RSPO1: variants seen among roughly 807,000 people sequenced by gnomAD.
RSPO1 encodes R-spondin-1.
Under a neutral mutation model 26.0 loss-of-function variants are expected in RSPO1, and 18 were observed. That is an observed-to-expected ratio of 0.69 (90% CI 0.48 to 1.03). RSPO1 has a LOEUF of 1.03. RSPO1 is among the 50% of genes least tolerant of loss of function. RSPO1 has a pLI of 0.00. For synonymous variants in RSPO1, 133 were observed against 137.4 expected, an observed-to-expected ratio of 0.97 and a Z score of 0.22; for missense variants, 309 against 352.3, an observed-to-expected ratio of 0.88 and a Z score of 0.98.
chr1:37,618,893 C>T (rs1184926168), intron 3 of RSPO1, among the ~76,000 whole-genome samples: 1 of 152,104 alleles, frequency 6.6e-6, no homozygotes, highest in Non-Finnish European at 1.5e-5. Context: ...TTGTATCATG[C>T]TAAGGAACTT....
intron 3 of RSPO1, among the ~76,000 whole-genome samples, chr1:37,629,064 C>A (rs1570124031): frequency 6.6e-6 from 1 of 152,340 alleles, no homozygotes; most frequent in East Asian, 1.9e-4. Context: ...GGACAGTCTC[C>A]TGACCCTCCC....
intron 3 of RSPO1, among the ~76,000 whole-genome samples, chr1:37,621,595 C>CAGG (rs1275292524): frequency 3.3e-5 from 5 of 151,708 alleles, no homozygotes; most frequent in African/African-American, 4.8e-5. Context: ...AGAGGGACCA[C>CAGG]AGGAGGAGGA....
In RSPO1 at chr1:37,613,810, C is replaced by G; in HGVS notation, c.519G>C (p.Glu173Asp). The change falls in exon 6 of 7, where the codon GAG becomes GAC. Residue 173 changes from glutamate (E) to aspartate (D), a missense_variant. Physicochemically the swap from Glu to Asp is conservative, Grantham distance 45. Transcript: ENST00000356545. This position sits in a 1 kb window ranked among gnomAD's most constrained non-coding sequence, Gnocchi z 4.5. ...QQLCGFRRGS[E>D]ERTRRVLHAP... ...CATGTAGCACCCTGCGTGTCCGCTCCTCGGAGCCCCTCCGGAAACCACAGA... is the reference window on the plus strand; with the variant it reads ...CATGTAGCACCCTGCGTGTCCGCTCGTCGGAGCCCCTCCGGAAACCACAGA... The G allele has an allele frequency of 6.2e-7, 1 of 1,614,094 alleles. No homozygotes were observed. The highest frequency in any genetic ancestry group is 8.5e-7 in the Non-Finnish European group (1 of 1,180,022).
In RSPO1 at chr1:37,616,517, C is replaced by T. The variant is rs751715004; in HGVS notation, c.253G>A (p.Asp85Asn). 15 of 1,614,152 alleles carry T rather than the reference C, an allele frequency of 9.3e-6. No individual in the cohort carries two copies. The highest frequency in any genetic ancestry group is 1.7e-5 in the Admixed American group (1 of 60,028). ...CLPSCPPGYF[D>N]ARNPDMNKCI... ...TTGTTCATGTCGGGGTTGCGGGCGT[C>T]GAAGTATCCAGGTGGGCAGGACGGC... The change falls in exon 4 of 7, where the codon GAC (aspartate) becomes AAC (asparagine). Residue 85 changes from aspartate to asparagine, a missense_variant. By Grantham distance (23) the Asp-to-Asn change is conservative. Transcript: ENST00000356545.
At chr1:37,619,749 C>CT (rs532159602) in intron 3 of RSPO1, among the ~76,000 whole-genome samples, 160 of 145,044 alleles carry the variant, frequency 1.1e-3, no homozygotes, top group Non-Finnish European at 1.1e-3. Context: ...ATATATTATC[C>CT]TTTTTTTTTT....
intron 3 of RSPO1, among the ~76,000 whole-genome samples, chr1:37,623,402 G>C (rs368516758): frequency 1.1e-4 from 16 of 152,262 alleles, no homozygotes; most frequent in Admixed American, 8.5e-4. Flanking sequence ...GCTACTAGGA[G>C]CTGGAACGTG....
chr1:37,626,075 C>A (rs985147175), intron 3 of RSPO1, among the ~76,000 whole-genome samples: 1 of 152,146 alleles, frequency 6.6e-6, no homozygotes, highest in Non-Finnish European at 1.5e-5. Flanking sequence ...CCTCCCCCAC[C>A]CTCTATGCAG....
At chr1:37,627,730 C>A (rs1644300163) in intron 3 of RSPO1, among the ~76,000 whole-genome samples, 1 of 152,180 alleles carries the variant, frequency 6.6e-6, no homozygotes, top group South Asian at 2.1e-4. Context: ...GTAAGCCTTA[C>A]TATCCTCCTA....
rs754448020 is a variant in RSPO1, at chr1:37,629,552, A to G, written c.94+16T>C. 6.2e-6 allele frequency: 10 copies of G among 1,612,520 alleles called. No homozygotes were observed. The highest frequency in any genetic ancestry group is 5.5e-5 in the South Asian group (5 of 91,038). ...TTCCCAAGGCCAGCTGTGGCCCACC[A>G]TGCTCCATTACTCACTCCGCCTCTG... On this transcript the variant is annotated intron_variant, in intron 3 of 6. Transcript: ENST00000356545.
chr1:37,629,129 C>A (rs1013851898), intron 3 of RSPO1, among the ~76,000 whole-genome samples: 50 of 152,206 alleles, frequency 3.3e-4, no homozygotes, highest in African/African-American at 1.2e-3. Context: ...TTACCCAGTG[C>A]TAAGTTGTGC....
At chr1:37,630,028 G>A (rs973601904) in intron 2 of RSPO1, 79 bp from the exon 3 acceptor site, 1 of 688,788 alleles carries the variant, frequency 1.5e-6, no homozygotes, top group African/African-American at 1.8e-5. Flanking sequence ...CTACCCAGAA[G>A]ACTGGGAGCT....
intron 2 of RSPO1, chr1:37,632,056 C>A (rs1231249101): frequency 6.6e-6 from 1 of 152,190 alleles, no homozygotes; most frequent in Non-Finnish European, 1.5e-5. Flanking sequence ...AACCCTGGAT[C>A]TGAAAGACTT....
At position 37,612,694 on chromosome 1, in the gene RSPO1, T is replaced by C; in HGVS notation, c.*61A>G. On this transcript the variant is annotated 3_prime_UTR_variant, in exon 7 of 7. Coordinates refer to ENST00000356545, the MANE Select transcript of RSPO1 (RefSeq NM_001242908.2). ...CCCCGACGTTCCAGTTCAGGAAAGC[T>C]TGAATCACGCAGAGTAGCACTGAAC... is the stretch of plus-strand genomic sequence containing the variant. The C allele has an allele frequency of 1.3e-6, 2 of 1,574,952 alleles. No homozygotes were observed. The highest frequency in any genetic ancestry group is 8.6e-7 in the Non-Finnish European group (1 of 1,156,092).
rs560534932 is a variant in RSPO1 at position 37,611,393 on chromosome 1, C to G, written c.*1362G>C. 1 of 152,194 alleles carries G rather than the reference C, an allele frequency of 6.6e-6. No individual in the cohort carries two copies. The highest frequency in any genetic ancestry group is 1.5e-5 in the Non-Finnish European group (1 of 68,036). The allele number at this position is 152,194 out of a possible 1,614,324, so 9.4% of individuals were successfully genotyped here. ...ATTTTTATTCTGCTTTATTCACTTT[C>G]ATAGCTAAGCATAGATGCCAGTGGT... On this transcript the variant is annotated 3_prime_UTR_variant, in exon 7 of 7. Coordinates refer to ENST00000356545, the MANE Select transcript of RSPO1 (RefSeq NM_001242908.2).
rs1644076081 is a variant in RSPO1 at position 37,614,297 on chromosome 1, T to A, written c.323A>T (p.His108Leu). Residue 108 changes from histidine to leucine, a missense_variant, in exon 5 of 7, where the codon CAT (histidine) becomes CTT (leucine). Coordinates refer to ENST00000356545, the MANE Select transcript of RSPO1 (RefSeq NM_001242908.2). ...KIEHCEACFS[H>L]NFCTKCKEGL... ...CTCCTTACACTTGGTGCAGAAGTTA[T>A]GGCTGAAGCAGGCCTCACAGTGCTC... is the stretch of plus-strand genomic sequence containing the variant. The A allele has an allele frequency of 6.2e-7, 1 of 1,613,760 alleles. No homozygotes were observed. Among genetic ancestry groups the A allele is most frequent in the Non-Finnish European group, 8.5e-7 (1 of 1,180,040 alleles).
At position 37,613,853 on chromosome 1, in the gene RSPO1, C is replaced by T; in HGVS notation, c.476G>A (p.Cys159Tyr). The change falls in exon 6 of 7, where the codon TGC becomes TAC. Residue 159 changes from cysteine to tyrosine, a missense_variant. By Grantham distance (194) the Cys-to-Tyr change is radical. Coordinates refer to ENST00000356545, the MANE Select transcript of RSPO1 (RefSeq NM_001242908.2). The surrounding 1 kb of genome is among the most constrained non-coding windows in gnomAD (Gnocchi z 4.5). Reference protein sequence around the residue: ...EMSEWSPWGPCSKKQQLCGFR... With the variant: ...EMSEWSPWGPYSKKQQLCGFR... ...ACCACAGAGCTGCTGCTTCTTGGAG[C>T]AGGGCCCCCACGGAGACCACTCGCT... 6.2e-7 allele frequency: 1 copy of T among 1,614,120 alleles called. No homozygotes were observed. Among genetic ancestry groups the T allele is most frequent in the Middle Eastern group, 1.7e-4 (1 of 6,058 alleles).
chr1:37,621,828 A>T (rs1193500993), intron 3 of RSPO1, among the ~76,000 whole-genome samples: 1 of 139,812 alleles, frequency 7.2e-6, no homozygotes, highest in African/African-American at 2.7e-5. Context: ...AAGAGATGAG[A>T]TCTCACTGTG....
chr1:37,618,654 C>G (rs1343911036), intron 3 of RSPO1, among the ~76,000 whole-genome samples: 1 of 152,182 alleles, frequency 6.6e-6, no homozygotes, highest in Non-Finnish European at 1.5e-5. Flanking sequence ...TTAGGAAATG[C>G]AACCAGTAGG....
intron 3 of RSPO1, among the ~76,000 whole-genome samples, chr1:37,628,138 T>G (rs769594693): frequency 6.6e-6 from 1 of 152,226 alleles, no homozygotes; most frequent in Non-Finnish European, 1.5e-5. Flanking sequence ...GTTAAGCACA[T>G]GTACACATTG....
Sources: allele counts gnomAD v4.1 joint callset (sites outside exome capture counted in the v4.1 genomes callset), GRCh38; gene constraint gnomAD v4.1.1; non-coding constraint Gnocchi (gnomAD v3.1); transcripts MANE v1.5; gene names NCBI Gene and HGNC (gene_info 2026-07-23, HGNC 2026-07-21).